The following FBXL2 variants were observed in gnomAD, a reference collection of about 807,000 sequenced individuals.
The protein encoded by FBXL2 is F-box and leucine rich repeat protein 2.
FBXL2 carries 38 observed loss-of-function variants against 69.2 expected under a neutral mutation model. The ratio of observed to expected loss-of-function variants is 0.55; its 90% CI spans 0.42 to 0.72. The LOEUF (loss-of-function observed/expected upper bound fraction) is 0.72. FBXL2 is among the 30% of genes least tolerant of loss of function. FBXL2 has a pLI of 0.00. For synonymous variants in FBXL2, 192 were observed against 201.3 expected, an observed-to-expected ratio of 0.95 and a Z score of 0.39; for missense variants, 354 against 520.3, an observed-to-expected ratio of 0.68 and a Z score of 3.11.
At chr3:33,356,008 T>C (rs1253663628) in intron 2 of FBXL2, among the ~76,000 whole-genome samples, 3 of 152,126 alleles carry the variant, frequency 2.0e-5, no homozygotes, top group Non-Finnish European at 4.4e-5. Context: ...ATAATGTAAA[T>C]ACTTTAGGCA....
At chr3:33,347,462 A>G (rs1171871828) in intron 2 of FBXL2, among the ~76,000 whole-genome samples, 1 of 152,212 alleles carries the variant, frequency 6.6e-6, no homozygotes, top group Non-Finnish European at 1.5e-5. Context: ...GCTATTGTGA[A>G]CAGTGCCACA....
chr3:33,356,989 C>T (rs114848493), intron 2 of FBXL2, among the ~76,000 whole-genome samples: 1 of 152,152 alleles, frequency 6.6e-6, no homozygotes, highest in African/African-American at 2.4e-5. Context: ...TTGAACCAGA[C>T]TACCTGGGTT....
At chr3:33,416,214 C>G in the FBXL2 span, 2 of 152,256 alleles carry the variant, frequency 1.3e-5, no homozygotes, top group Non-Finnish European at 2.9e-5. Flanking sequence ...CCCTGTAATG[C>G]TATGGAATTT....
intron 2 of FBXL2, among the ~76,000 whole-genome samples, chr3:33,314,096 C>A (rs187195257): frequency 1.3e-5 from 2 of 151,930 alleles, no homozygotes; most frequent in Non-Finnish European, 2.9e-5. Flanking sequence ...TTGATATCCT[C>A]TTTAATTTTT....
chr3:33,414,280 G>A, the FBXL2 span: 3 of 152,114 alleles, frequency 2.0e-5, no homozygotes, highest in Non-Finnish European at 4.4e-5. Context: ...GAAAAAGAAA[G>A]AGAGGGAGGA....
chr3:33,361,612 TC>T (rs1451100097), intron 4 of FBXL2, among the ~76,000 whole-genome samples: 1 of 152,236 alleles, frequency 6.6e-6, no homozygotes, highest in Non-Finnish European at 1.5e-5. Context: ...CTGCTGACTT[TC>T]AGCTAACTGC....
At chr3:33,388,133 G>GTTAGT (rs896103099), downstream of FBXL2, 3 of 143,112 alleles carry the variant, frequency 2.1e-5, no homozygotes, top group Non-Finnish European at 4.4e-5. Context: ...AGTTTAGTTA[G>GTTAGT]TTAGTTAGTT....
At chr3:33,408,551 A>C (rs2044491215), downstream of FBXL2, 1 of 595,308 alleles carries the variant, frequency 1.7e-6, no homozygotes, top group Non-Finnish European at 2.8e-6. Flanking sequence ...CAGAAGCAGG[A>C]AGTCTAAACA....
chr3:33,309,143 A>G (rs1202724312), intron 2 of FBXL2, among the ~76,000 whole-genome samples: 1 of 152,192 alleles, frequency 6.6e-6, no homozygotes, highest in Non-Finnish European at 1.5e-5. Flanking sequence ...TTTTCTATCT[A>G]GATAATGTGC....
chr3:33,335,679 TATTTA>T (rs1439207621), intron 2 of FBXL2, among the ~76,000 whole-genome samples: 1 of 152,138 alleles, frequency 6.6e-6, no homozygotes, highest in Non-Finnish European at 1.5e-5. Flanking sequence ...TATGCATAAA[TATTTA>T]ATTATTTCAA....
chr3:33,293,559 C>T (rs1378501688), intron 1 of FBXL2, among the ~76,000 whole-genome samples: 3 of 152,178 alleles, frequency 2.0e-5, no homozygotes, highest in African/African-American at 7.2e-5. Flanking sequence ...GTTCTGTAGA[C>T]TCTACAGGAG....
At position 33,383,971 on chromosome 3, in the gene FBXL2, C is replaced by T. The variant is rs368753638; in HGVS notation, c.952-18C>T. 5.6e-6 allele frequency: 9 copies of T among 1,611,288 alleles called. No homozygotes were observed. Among genetic ancestry groups the T allele is most frequent in the Non-Finnish European group, 6.8e-6 (8 of 1,177,626 alleles). ...AATAAGGGTCCTGCAAACATTTACTCATGTCTTCCTGTTCCAGAGCCTGTC... is the reference window on the plus strand; with the variant it reads ...AATAAGGGTCCTGCAAACATTTACTTATGTCTTCCTGTTCCAGAGCCTGTC... On this transcript the variant is annotated intron_variant, in intron 13 of 14. Transcript: ENST00000484457.
chr3:33,284,826 T>C (rs898808748), intron 1 of FBXL2, among the ~76,000 whole-genome samples: 3 of 152,218 alleles, frequency 2.0e-5, no homozygotes, highest in Non-Finnish European at 4.4e-5. Flanking sequence ...CTTTTGATCT[T>C]TGTTGGTTTA....
rs549571372 is a variant in FBXL2, at chr3:33,319,010, G to A, written c.65+21285G>A. On this transcript the variant is annotated intron_variant, in intron 2 of 14. Coordinates refer to ENST00000484457, the MANE Select transcript of FBXL2 (RefSeq NM_012157.5). ...GTGAGCAGCTAGCAGTTTCTAACAC[G>A]AACTTCATTATTTGTAAAGCACGAA... 3.3e-5 allele frequency among the ~76,000 whole-genome samples: 5 copies of A among 152,290 alleles called. No individual in the cohort carries two copies. The South Asian group carries it at 1.0e-3, about 32-fold the overall frequency.
At chr3:33,320,731 G>A (rs929435781) in intron 2 of FBXL2, among the ~76,000 whole-genome samples, 1 of 151,812 alleles carries the variant, frequency 6.6e-6, no homozygotes, top group African/African-American at 2.4e-5. Flanking sequence ...CACCTTCCTC[G>A]GCCTCCCAAA....
intron 12 of FBXL2, chr3:33,393,269 G>A: frequency 6.4e-7 from 1 of 1,553,630 alleles, no homozygotes; most frequent in Non-Finnish European, 8.7e-7. Context: ...ATGTATAAAA[G>A]TAAATACCAG....
chr3:33,317,843 A>G (rs1201097595), intron 2 of FBXL2, among the ~76,000 whole-genome samples: 2 of 152,172 alleles, frequency 1.3e-5, no homozygotes, highest in Non-Finnish European at 2.9e-5. Context: ...CAAAATCTGA[A>G]ACTTTTTTGA....
At chr3:33,408,751 T>G in the FBXL2 span, 1 of 1,614,078 alleles carries the variant, frequency 6.2e-7, no homozygotes, top group Non-Finnish European at 8.5e-7. Flanking sequence ...GCTGGACTTT[T>G]TCTGCTCATG....
At position 33,386,979 on chromosome 3, in the gene FBXL2, G is replaced by T. The variant is rs2043482530; in HGVS notation, c.*1371G>T. On this transcript the variant is annotated 3_prime_UTR_variant, in exon 15 of 15. Coordinates refer to ENST00000484457, the MANE Select transcript of FBXL2 (RefSeq NM_012157.5). Reference sequence around the variant, plus strand: ...CCAATACCTTTATTAGGCAGTTTTAGAAGTGTTTTTAAGGATATATTATGT... The same window carrying T: ...CCAATACCTTTATTAGGCAGTTTTATAAGTGTTTTTAAGGATATATTATGT... The T allele has an allele frequency of 6.6e-6, 1 of 152,118 alleles. No individual in the cohort carries two copies. 9.4% of individuals were successfully genotyped at this position (152,118 alleles called of 1,614,324 possible).
Sources: gnomAD v4.1 joint callset for allele counts (sites outside exome capture counted in the v4.1 genomes callset) on GRCh38, gnomAD v4.1.1 for gene constraint, MANE v1.5 for transcripts, NCBI Gene and HGNC (gene_info 2026-07-23, HGNC 2026-07-21) for gene names.